Variants in ZNF318 observed in about 807,000 individuals in gnomAD.
ZNF318 encodes the protein endocrine regulator.
ZNF318 carries 51 observed loss-of-function variants against 124.2 expected under a neutral mutation model. The ratio of observed to expected loss-of-function variants is 0.41; its 90% CI spans 0.33 to 0.52. ZNF318 has a LOEUF of 0.52. ZNF318 is among the 20% of genes least tolerant of loss of function. ZNF318 has a pLI of 0.23. For synonymous variants in ZNF318, 1,090 were observed against 1,040.7 expected, an observed-to-expected ratio of 1.05 and a Z score of -0.91; for missense variants, 2,815 against 2,811.2, an observed-to-expected ratio of 1.00 and a Z score of -0.03.
intron 2 of ZNF318, among the ~76,000 whole-genome samples, chr6:43,359,174 C>T (rs1042795772): frequency 3.9e-5 from 6 of 152,210 alleles, no homozygotes; most frequent in Non-Finnish European, 8.8e-5. Context: ...TCTCTCACAG[C>T]CTGTTTTGTC....
chr6:43,346,181 CAAAAAAAAAAAAA>C (rs150168420), intron 6 of ZNF318, among the ~76,000 whole-genome samples: 14 of 72,130 alleles, frequency 1.9e-4, no homozygotes, highest in South Asian at 4.9e-4. Flanking sequence ...GACTCTGTTT[CAAAAAAAAAAAAA>C]AAAAAAAAAA....
In ZNF318 at chr6:43,354,700, G is replaced by C; in HGVS notation, c.2634C>G (p.Ile878Met). ...PSLIRYNPEKISDEKNRASQK... is the reference protein window; with the variant it reads ...PSLIRYNPEKMSDEKNRASQK... ...GGGAAGCACGGTTCTTCTCATCAGA[G>C]ATCTTCTCTGGATTATATCTTATGA... The change falls in exon 4 of 10, where the codon ATC becomes ATG. Residue 878 changes from isoleucine (I) to methionine (M), a missense_variant. This residue lies in a region of ZNF318 where 1,377 missense variants were observed against 1,353.5 expected (regional missense o/e 1.02). Coordinates refer to ENST00000361428, the MANE Select transcript of ZNF318 (RefSeq NM_014345.3). 1 of 1,613,036 alleles carries C rather than the reference G, an allele frequency of 6.2e-7. No individual in the cohort carries two copies. Among genetic ancestry groups the C allele is most frequent in the South Asian group, 1.1e-5 (1 of 91,010 alleles).
chr6:43,340,213 T>C lies in ZNF318; in HGVS notation c.3785A>G (p.Glu1262Gly). 1 of 1,614,186 alleles carries C rather than the reference T, an allele frequency of 6.2e-7. No homozygotes were observed. The highest frequency in any genetic ancestry group is 1.3e-5 in the African/African-American group (1 of 75,040). Residue 1262 changes from glutamate (E) to glycine (G), a missense_variant, in exon 10 of 10, where the codon GAG becomes GGG. Around this residue, in one of 4 missense-constraint regions of ZNF318, gnomAD observed 500 missense variants for 605.2 expected, o/e 0.83. Coordinates refer to ENST00000361428, the MANE Select transcript of ZNF318 (RefSeq NM_014345.3). ...TGATGTTGGTGATTCCTTCTTTACC[T>C]CTTCTTTTAACTGGAGTTTGATGCC... is the stretch of plus-strand genomic sequence containing the variant. ...NTGIKLQLKE[E>G]VKKESPTSSS...
intron 8 of ZNF318, among the ~76,000 whole-genome samples, chr6:43,341,132 T>C (rs557871294): frequency 1.2e-4 from 18 of 152,304 alleles, no homozygotes; most frequent in African/African-American, 3.1e-4. Flanking sequence ...GGGAACATTA[T>C]ACTGGTTAAT....
At chr6:43,341,658 A>G (rs78395968) in intron 8 of ZNF318, among the ~76,000 whole-genome samples, 1 of 151,040 alleles carries the variant, frequency 6.6e-6, no homozygotes, top group Non-Finnish European at 1.5e-5. Flanking sequence ...TCAGAGGAAA[A>G]AAAAAAAAAA....
chr6:43,337,275 T>TC lies in ZNF318; in HGVS notation c.6722_6723insG (p.Arg2242LysfsTer10). ...TTACCTGCTCCCTTGGAGGGGACCT[T>TC]GACACTGGAGCTTTAACCAAATTCA... On this transcript the variant is annotated frameshift_variant, in exon 10 of 10. Coordinates refer to ENST00000361428, the MANE Select transcript of ZNF318 (RefSeq NM_014345.3). LOFTEE classifies it low-confidence loss of function (END_TRUNC). 2 of 1,614,180 alleles carry TC rather than the reference T, an allele frequency of 1.2e-6. No homozygotes were observed. The highest frequency in any genetic ancestry group is 1.7e-6 in the Non-Finnish European group (2 of 1,180,014).
chr6:43,349,214 T>C (rs1335025429), intron 5 of ZNF318, among the ~76,000 whole-genome samples: 10 of 152,116 alleles, frequency 6.6e-5, no homozygotes, highest in Admixed American at 6.5e-4. Context: ...GTATATATAA[T>C]TTTGTGTGTG....
At chr6:43,361,462 G>C (rs1425068746) in intron 2 of ZNF318, among the ~76,000 whole-genome samples, 2 of 152,176 alleles carry the variant, frequency 1.3e-5, no homozygotes, top group Admixed American at 1.3e-4. Context: ...CTACTCTTTA[G>C]ACTGAGCTGG....
In ZNF318 at chr6:43,356,074, T is replaced by C. The variant is rs768510603; in HGVS notation, c.1260A>G (p.Pro420=). 8 of 1,613,982 alleles carry C rather than the reference T, an allele frequency of 5.0e-6. No individual in the cohort carries two copies. In the South Asian group the frequency reaches 7.7e-5, roughly 16 times the overall value. Residue 420 remains proline, a synonymous_variant, in exon 4 of 10, where the codon CCA becomes CCG. Transcript: ENST00000361428. The part of the protein sequence containing the change: ...HPLYSGHPSL[P]LSGAIAAFAS... ...CAAAAGCAGCAATAGCACCACTTAG[T>C]GGAAGGGATGGGTGCCCAGAGTAGA... is the stretch of plus-strand genomic sequence containing the variant.
At position 43,368,989 on chromosome 6, in the gene ZNF318, T is replaced by C. The variant is rs1779797702; in HGVS notation, c.377A>G (p.His126Arg). The change falls in exon 1 of 10, where the codon CAT becomes CGT. Residue 126 changes from histidine (H) to arginine (R), a missense_variant. Around this residue, in one of 4 missense-constraint regions of ZNF318, gnomAD observed 1,377 missense variants for 1,353.5 expected, o/e 1.02. Transcript: ENST00000361428. ...TACCCGGCTGCCGCTGTCGCCTGGA[T>C]GGTCTCCGCGGCCGTCCCGGGCATA... ...ADYARDGRGD[H>R]PGDSGSRRRS... 7.0e-7 allele frequency: 1 copy of C among 1,435,230 alleles called. No individual in the cohort carries two copies. The highest frequency in any genetic ancestry group is 3.0e-5 in the East Asian group (1 of 33,082). 88.9% of individuals were successfully genotyped at this position (1,435,230 alleles called of 1,614,324 possible). A position where few individuals can be genotyped will look rare whatever the true frequency, so the allele number is the denominator to read the frequency against.
chr6:43,365,226 C>T (rs370722794), intron 2 of ZNF318, 66 bp downstream of exon 2: 22 of 1,531,558 alleles, frequency 1.4e-5, no homozygotes, highest in African/African-American at 9.6e-5. Context: ...ATATATCATT[C>T]GGAAAACAGC....
At chr6:43,344,563 G>A (rs1006007455) in intron 6 of ZNF318, among the ~76,000 whole-genome samples, 5 of 152,142 alleles carry the variant, frequency 3.3e-5, no homozygotes, top group Admixed American at 6.5e-5. Flanking sequence ...GGCATACAGC[G>A]TTGAATATCA....
chr6:43,346,567 C>G (rs1396699431), intron 6 of ZNF318, among the ~76,000 whole-genome samples: 1 of 141,560 alleles, frequency 7.1e-6, no homozygotes, highest in Non-Finnish European at 1.5e-5. Flanking sequence ...TTAGTGGAGA[C>G]AGACGTAAGA....
In ZNF318 at chr6:43,339,260, C is replaced by G. The variant is rs3734684; in HGVS notation, c.4738G>C (p.Ala1580Pro). ...TCAGGGGCCCCCTTAGTCTCAGGGG[C>G]CCCCTTTCCACCACTACTATAGAAT... ...DIFYSSGGKG[A>P]PETKGAPETK... is the part of the protein sequence containing the mutation. Residue 1580 changes from alanine to proline, a missense_variant, in exon 10 of 10, where the codon GCC becomes CCC. Physicochemically the swap from Ala to Pro is conservative, Grantham distance 27. Around this residue, in one of 4 missense-constraint regions of ZNF318, gnomAD observed 927 missense variants for 820.6 expected, o/e 1.13. Coordinates refer to ENST00000361428, the MANE Select transcript of ZNF318 (RefSeq NM_014345.3). This position sits in a 1 kb window ranked among gnomAD's most constrained non-coding sequence, Gnocchi z 4.2. 6.2e-7 allele frequency: 1 copy of G among 1,613,334 alleles called. No individual in the cohort carries two copies. Among genetic ancestry groups the G allele is most frequent in the South Asian group, 1.1e-5 (1 of 90,762 alleles).
chr6:43,337,616 C>T lies in ZNF318; in HGVS notation c.6382G>A (p.Asp2128Asn). 6.2e-7 allele frequency: 1 copy of T among 1,614,104 alleles called. No individual in the cohort carries two copies. Among genetic ancestry groups the T allele is most frequent in the Non-Finnish European group, 8.5e-7 (1 of 1,180,010 alleles). Residue 2128 changes from aspartate to asparagine, a missense_variant, in exon 10 of 10, where the codon GAC (aspartate) becomes AAC (asparagine). This residue lies in a region of ZNF318 where 927 missense variants were observed against 820.6 expected (regional missense o/e 1.13). Coordinates refer to ENST00000361428, the MANE Select transcript of ZNF318 (RefSeq NM_014345.3). ...GGLEGTHQAL[D>N]LLAGGMMPEE... ...GGCATCATTCCTCCTGCTAACAGGT[C>T]AAGGGCCTGGTGTGTTCCCTCTAGG...
chr6:43,339,413 G>C lies in ZNF318; in HGVS notation c.4585C>G (p.Gln1529Glu). 1 of 1,614,146 alleles carries C rather than the reference G, an allele frequency of 6.2e-7. No individual in the cohort carries two copies. ...CGTACTAACACAGAGAACAGGGTCT[G>C]GTCTCGGTCACTCTCACTCACCCCA... ...APGVSESDRD[Q>E]TLFSVLVRPP... is the part of the protein sequence containing the mutation. The change falls in exon 10 of 10, where the codon CAG (glutamine) becomes GAG (glutamate). Residue 1529 changes from glutamine (Q) to glutamate (E), a missense_variant. Gln to Glu is a conservative substitution (Grantham distance 29). Coordinates refer to ENST00000361428, the MANE Select transcript of ZNF318 (RefSeq NM_014345.3). The surrounding 1 kb of genome is among the most constrained non-coding windows in gnomAD (Gnocchi z 4.2).
chr6:43,362,518 C>CTTTTTTTT (rs1180416139), intron 2 of ZNF318, among the ~76,000 whole-genome samples: 9 of 80,896 alleles, frequency 1.1e-4, no homozygotes, highest in African/African-American at 2.6e-4. Context: ...ACATACACGT[C>CTTTTTTTT]TTTTTTTTTT....
At chr6:43,351,987 G>A (rs979468851) in intron 5 of ZNF318, among the ~76,000 whole-genome samples, 5 of 151,072 alleles carry the variant, frequency 3.3e-5, no homozygotes, top group African/African-American at 7.3e-5. Flanking sequence ...CTACAAATAC[G>A]AAAAAAATTA....
At chr6:43,354,630 A>C (rs891984097) in intron 4 of ZNF318, 34 bp downstream of exon 4, 3 of 1,535,680 alleles carry the variant, frequency 2.0e-6, no homozygotes, top group African/African-American at 2.8e-5. Context: ...AAAACAGAAA[A>C]CTCAGGCACA....
Sources: allele counts gnomAD v4.1 joint callset (sites outside exome capture counted in the v4.1 genomes callset), GRCh38; gene constraint gnomAD v4.1.1; regional missense constraint gnomAD v4.1.1; non-coding constraint Gnocchi (gnomAD v3.1); transcripts MANE v1.5; gene names NCBI Gene and HGNC (gene_info 2026-07-23, HGNC 2026-07-21).